Variants in PLCE1 observed in about 807,000 individuals in gnomAD.
PLCE1 encodes the protein 1-phosphatidylinositol 4,5-bisphosphate phosphodiesterase epsilon-1.
Under a neutral mutation model 242.8 loss-of-function variants are expected in PLCE1, and 119 were observed. The ratio of observed to expected loss-of-function variants is 0.49; its 90% CI spans 0.42 to 0.57. The LOEUF (loss-of-function observed/expected upper bound fraction) is 0.57, where lower values mean the gene tolerates loss of function less well. PLCE1 is among the 20% of genes least tolerant of loss of function. The pLI is 0.00. For missense variants in PLCE1, 2,441 were observed against 2,788.8 expected (o/e 0.88, Z 2.81); for synonymous variants, 945 against 1,017.4 (o/e 0.93, Z 1.35).
chr10:94,240,785 A>C (rs1229685733), intron 7 of PLCE1, among the ~76,000 whole-genome samples: 1 of 152,212 alleles, frequency 6.6e-6, no homozygotes, highest in East Asian at 1.9e-4. Context: ...CTTTAGGAAC[A>C]GGATAAAAAC....
At chr10:94,253,191 AG>A (rs1170535827) in intron 9 of PLCE1, among the ~76,000 whole-genome samples, 1 of 152,178 alleles carries the variant, frequency 6.6e-6, no homozygotes, top group Non-Finnish European at 1.5e-5. Flanking sequence ...TAAAGAAAGA[AG>A]GTTAATTGAC....
chr10:94,164,230 A>G (rs1450669029), intron 3 of PLCE1, among the ~76,000 whole-genome samples: 5 of 152,176 alleles, frequency 3.3e-5, no homozygotes, highest in African/African-American at 1.2e-4. Context: ...TCTGCTGGAT[A>G]ATATCCTGCA....
intron 23 of PLCE1, among the ~76,000 whole-genome samples, chr10:94,297,104 G>T (rs2052852246): frequency 6.6e-6 from 1 of 152,134 alleles, no homozygotes; most frequent in Non-Finnish European, 1.5e-5. Context: ...TTGACCTCTG[G>T]TGATCCACCC....
intron 22 of PLCE1, among the ~76,000 whole-genome samples, chr10:94,291,142 C>G (rs1021491230): frequency 6.6e-6 from 1 of 151,346 alleles, no homozygotes; most frequent in African/African-American, 2.4e-5. Context: ...TCAATTTATT[C>G]TTTTTTTTTA....
intron 21 of PLCE1, among the ~76,000 whole-genome samples, chr10:94,284,522 C>A (rs1413864955): frequency 1.3e-5 from 2 of 152,122 alleles, no homozygotes; most frequent in African/African-American, 4.8e-5. Context: ...CATTGTTGGA[C>A]AATGGAATTG....
At chr10:94,018,467 T>A (rs1366788255) in intron 1 of PLCE1, among the ~76,000 whole-genome samples, 1 of 152,176 alleles carries the variant, frequency 6.6e-6, no homozygotes, top group East Asian at 1.9e-4. Flanking sequence ...TGACTGTGAT[T>A]CCCTCTCTGT....
At chr10:94,099,911 A>G (rs1020261679) in intron 2 of PLCE1, 2 of 152,122 alleles carry the variant, frequency 1.3e-5, no homozygotes, top group African/African-American at 4.8e-5. Flanking sequence ...TAAACTTCCT[A>G]TTTGTCCAGT....
chr10:94,208,905 T>C (rs1029056200), intron 4 of PLCE1, among the ~76,000 whole-genome samples: 1 of 152,208 alleles, frequency 6.6e-6, no homozygotes, highest in Non-Finnish European at 1.5e-5. Context: ...GTCGCCACAA[T>C]TCCTGCTCCA....
intron 4 of PLCE1, among the ~76,000 whole-genome samples, chr10:94,224,020 T>A (rs1448151870): frequency 6.6e-6 from 1 of 152,130 alleles, no homozygotes; most frequent in East Asian, 1.9e-4. Flanking sequence ...CTCTCACCAT[T>A]TAATGCTTAT....
intron 1 of PLCE1, among the ~76,000 whole-genome samples, chr10:94,003,691 T>G (rs2060977706): frequency 6.6e-6 from 1 of 152,142 alleles, no homozygotes; most frequent in Non-Finnish European, 1.5e-5. Flanking sequence ...TCAGATGTGG[T>G]AAGGAGCTAG....
intron 2 of PLCE1, among the ~76,000 whole-genome samples, chr10:94,036,889 G>C (rs1005907320): frequency 1.3e-5 from 2 of 152,054 alleles, no homozygotes; most frequent in Non-Finnish European, 2.9e-5. Context: ...ACTGGCTCCT[G>C]TATTATCACT....
In PLCE1 at chr10:94,246,442, A is replaced by T; in HGVS notation, c.2917A>T (p.Thr973Ser). The change falls in exon 8 of 33, where the codon ACA becomes TCA. Residue 973 changes from threonine to serine, a missense_variant. Thr to Ser is a moderately conservative substitution (Grantham distance 58). This residue lies in a region of PLCE1 where 1,004 missense variants were observed against 1,322.7 expected (regional missense o/e 0.76). Coordinates refer to ENST00000371380, the MANE Select transcript of PLCE1 (RefSeq NM_016341.4). ...GSMFLSETGVTLLYGLQTTDN... is the reference protein window; with the variant it reads ...GSMFLSETGVSLLYGLQTTDN... ...CATGTTCCTGTCAGAGACTGGTGTG[A>T]CATTGCTCTATGGGCTTCAGACCAC... 1 of 1,614,216 alleles carries T rather than the reference A, an allele frequency of 6.2e-7. No individual in the cohort carries two copies. The highest frequency in any genetic ancestry group is 1.1e-5 in the South Asian group (1 of 91,086).
chr10:94,288,251 C>A (rs2052529210), intron 22 of PLCE1, among the ~76,000 whole-genome samples: 1 of 152,148 alleles, frequency 6.6e-6, no homozygotes, highest in Non-Finnish European at 1.5e-5. Flanking sequence ...TTCTGAGTCT[C>A]CAATGTCCAT....
chr10:94,064,836 A>G (rs2135017946), intron 2 of PLCE1, among the ~76,000 whole-genome samples: 1 of 152,300 alleles, frequency 6.6e-6, no homozygotes, highest in East Asian at 1.9e-4. Flanking sequence ...GAGTAGCCCA[A>G]GCCCTTTTTC....
intron 8 of PLCE1, among the ~76,000 whole-genome samples, chr10:94,247,095 G>A (rs2050710614): frequency 7.6e-6 from 1 of 131,622 alleles, no homozygotes. Context: ...CTGGGCAACA[G>A]AGCAAGACTC....
At chr10:94,225,569 T>C (rs569359011) in intron 4 of PLCE1, among the ~76,000 whole-genome samples, 21 of 152,162 alleles carry the variant, frequency 1.4e-4, no homozygotes, top group African/African-American at 4.3e-4. Flanking sequence ...TACTCGAGGT[T>C]GCAGTGAGCC....
intron 2 of PLCE1, among the ~76,000 whole-genome samples, chr10:94,060,945 C>T (rs112692056): frequency 0.037 from 5,577 of 152,106 alleles, 155 homozygotes; most frequent in Non-Finnish European, 0.054. Context: ...ATCATCCACC[C>T]GCCTCGGCCT....
intron 3 of PLCE1, among the ~76,000 whole-genome samples, chr10:94,159,257 G>A (rs1158837430): frequency 6.6e-6 from 1 of 151,986 alleles, no homozygotes; most frequent in African/African-American, 2.4e-5. Flanking sequence ...GTAATGTTCA[G>A]GACAAGCCAG....
chr10:94,280,047 TTCAG>T, intron 20 of PLCE1, 136 bp downstream of exon 20: 1 of 908,356 alleles, frequency 1.1e-6, no homozygotes, highest in Non-Finnish European at 1.8e-6. Flanking sequence ...AGTTTCTGAA[TTCAG>T]TCACTTAGCA....
Sources: allele counts gnomAD v4.1 joint callset (sites outside exome capture counted in the v4.1 genomes callset), GRCh38; gene constraint gnomAD v4.1.1; regional missense constraint gnomAD v4.1.1; transcripts MANE v1.5; gene names NCBI Gene and HGNC (gene_info 2026-07-23, HGNC 2026-07-21).